Variants in TMEM18 observed in about 807,000 individuals in gnomAD.
TMEM18 encodes the protein transmembrane protein 18.
In TMEM18, 14 loss-of-function variants were observed where a neutral mutation model predicts 17.4. The observed-to-expected ratio is 0.80, with a 90% CI of 0.53 to 1.25. The LOEUF is 1.25. Ranked by LOEUF, TMEM18 falls within the 50% of genes most tolerant of loss-of-function variation. The probability of loss-of-function intolerance (pLI) is 0.00; values close to 1 mark genes in which losing one functional copy is unlikely to be tolerated. For synonymous variants in TMEM18, 86 were observed against 66.1 expected, an observed-to-expected ratio of 1.30 and a Z score of -1.46; for missense variants, 187 against 172.1, an observed-to-expected ratio of 1.09 and a Z score of -0.48.
chr2:668,395 G>A lies in TMEM18; in HGVS notation c.*1185C>T, dbSNP rs1162411576. On this transcript the variant is annotated 3_prime_UTR_variant, in exon 5 of 5. Transcript: ENST00000281017. ...CGGCCCTGGACAATGCTACAGGGAGGACACATTACCTTAATCATCTTTCTG... is the reference window on the plus strand; with the variant it reads ...CGGCCCTGGACAATGCTACAGGGAGAACACATTACCTTAATCATCTTTCTG... 1.3e-5 allele frequency: 2 copies of A among 152,354 alleles called. No homozygotes were observed. Among genetic ancestry groups the A allele is most frequent in the Middle Eastern group, 3.4e-3 (1 of 294 alleles). The allele number at this position is 152,354 out of a possible 1,614,324, so 9.4% of individuals were successfully genotyped here. A position where few individuals can be genotyped will look rare whatever the true frequency, so the allele number is the denominator to read the frequency against.
chr2:675,724 G>T (rs772759621), intron 1 of TMEM18, 94 bp from the exon 2 acceptor site: 32 of 1,553,212 alleles, frequency 2.1e-5, no homozygotes, highest in Admixed American at 5.8e-5. Flanking sequence ...GGAGGCAGGG[G>T]CCTCTCACTC....
intron 1 of TMEM18, chr2:676,826 C>T: frequency 3.1e-6 from 2 of 636,612 alleles, no homozygotes; most frequent in South Asian, 1.9e-5. Context: ...GCCCGCAAGA[C>T]GCTGGACTGG....
chr2:676,333 G>A, intron 1 of TMEM18: 1 of 1,475,044 alleles, frequency 6.8e-7, no homozygotes. Flanking sequence ...AATCCCAGCA[G>A]TCCTCAACCC....
chr2:673,284 T>G (rs1041483800), intron 2 of TMEM18, among the ~76,000 whole-genome samples: 3 of 152,140 alleles, frequency 2.0e-5, no homozygotes, highest in Non-Finnish European at 2.9e-5. Context: ...CGCTCACACT[T>G]CCCGGGCTGA....
At position 664,057 on chromosome 2, in the gene TMEM18, GAAGC is replaced by G. The variant is rs925606935; in HGVS notation, c.*5519_*5522del. On this transcript the variant is annotated 3_prime_UTR_variant, in exon 5 of 5. Coordinates refer to ENST00000281017, the MANE Select transcript of TMEM18 (RefSeq NM_152834.4). ...ATATTCGGTTTGGAGGCTAGAGAAG[GAAGC>G]AATGATGCTGCCTGGGTATTTCACA... Among the ~76,000 whole-genome samples the G allele has an allele frequency of 6.6e-6, 1 of 152,192 alleles. No homozygotes were observed. The highest frequency in any genetic ancestry group is 2.4e-5 in the African/African-American group (1 of 41,444).
rs1678983237 is a variant in TMEM18 at position 675,641 on chromosome 2, A to G, written c.58-11T>C. 6.2e-7 allele frequency: 1 copy of G among 1,612,630 alleles called. No homozygotes were observed. The highest frequency in any genetic ancestry group is 1.7e-5 in the Admixed American group (1 of 59,970). On this transcript the variant is annotated splice_polypyrimidine_tract_variant and intron_variant, in intron 1 of 4. Transcript: ENST00000281017. ...AGTCCAGTCCGTCTGCTGTAGGAACACACCAGCAGACACTCACTGTCCTGC... is the reference window on the plus strand; with the variant it reads ...AGTCCAGTCCGTCTGCTGTAGGAACGCACCAGCAGACACTCACTGTCCTGC...
At position 675,657 on chromosome 2, in the gene TMEM18, A is replaced by C; in HGVS notation, c.58-27T>G. The C allele has an allele frequency of 1.9e-6, 3 of 1,610,622 alleles. No individual in the cohort carries two copies. In the African/African-American group the frequency reaches 4.0e-5, roughly 21 times the overall value. ...TGTAGGAACACACCAGCAGACACTC[A>C]CTGTCCTGCCACTCAAGGCCGGGTT... On this transcript the variant is annotated intron_variant, in intron 1 of 4. Transcript: ENST00000281017.
rs1228318307 is a variant in TMEM18, at chr2:664,608, CTTTTTT to C, written c.*4966_*4971del. On this transcript the variant is annotated 3_prime_UTR_variant, in exon 5 of 5. Transcript: ENST00000281017. ...TTTCACCTATTACTCAGAAAAGTTT[CTTTTTT>C]TACGTTGCTACTTAGTGCAGACAAG... Among the ~76,000 whole-genome samples the C allele has an allele frequency of 3.3e-5, 5 of 152,114 alleles. No homozygotes were observed. Among genetic ancestry groups the C allele is most frequent in the African/African-American group, 1.2e-4 (5 of 41,444 alleles).
Position 665,349 on chromosome 2 carries a change from T to C in TMEM18, c.*4231A>G, listed in dbSNP as rs1032907553. On this transcript the variant is annotated 3_prime_UTR_variant, in exon 5 of 5. Transcript: ENST00000281017. ...GATGCAGATGCACCACTCACTCAGA[T>C]AGAGAATCAACCCCACATAAACTAG... 2.2e-5 allele frequency among the ~76,000 whole-genome samples: 3 copies of C among 136,880 alleles called. No homozygotes were observed. Among genetic ancestry groups the C allele is most frequent in the Admixed American group, 1.4e-4 (2 of 13,936 alleles). The allele number at this position is 136,880 out of a possible 152,430, so 89.8% of individuals were successfully genotyped here. A position where few individuals can be genotyped will look rare whatever the true frequency, so the allele number is the denominator to read the frequency against.
chr2:676,606 A>C, intron 1 of TMEM18: 2 of 1,550,372 alleles, frequency 1.3e-6, no homozygotes, highest in South Asian at 2.4e-5. Context: ...TGAGGGGAGC[A>C]CGGCTTTCTG....
At position 669,454 on chromosome 2, in the gene TMEM18, TTAAA is replaced by T. The variant is rs1409822518; in HGVS notation, c.*122_*125del. Reference sequence around the variant, plus strand: ...GTGTGTGCCCTACCACTGTGGATATTTAAATAAAACAACGGTTTTTCAAACCATG... The same window carrying T: ...GTGTGTGCCCTACCACTGTGGATATTTAAAACAACGGTTTTTCAAACCATG... On this transcript the variant is annotated 3_prime_UTR_variant, in exon 5 of 5. Coordinates refer to ENST00000281017, the MANE Select transcript of TMEM18 (RefSeq NM_152834.4). The T allele has an allele frequency of 1.0e-6, 1 of 987,016 alleles. No homozygotes were observed. The highest frequency in any genetic ancestry group is 1.6e-5 in the African/African-American group (1 of 61,680). The allele number at this position is 987,016 out of a possible 1,614,324, so 61.1% of individuals were successfully genotyped here.
Position 675,507 on chromosome 2 carries a change from C to G in TMEM18, c.178+3G>C. ...GTTGTGGAGTTTGTGTTGTTTTACT[C>G]ACCTAGACACAGAAAGTGCCCGATC... On this transcript the variant is annotated splice_donor_region_variant and intron_variant, in intron 2 of 4. Transcript: ENST00000281017. 6.2e-7 allele frequency: 1 copy of G among 1,614,194 alleles called. No individual in the cohort carries two copies. Among genetic ancestry groups the G allele is most frequent in the African/African-American group, 1.3e-5 (1 of 75,066 alleles).
chr2:676,398 C>G, intron 1 of TMEM18: 1 of 1,354,294 alleles, frequency 7.4e-7, no homozygotes, highest in Admixed American at 2.4e-5. Flanking sequence ...GCCCTCCAAG[C>G]TGCAGCCCCG....
At position 665,878 on chromosome 2, in the gene TMEM18, A is replaced by G. The variant is rs952294273; in HGVS notation, c.*3702T>C. On this transcript the variant is annotated 3_prime_UTR_variant, in exon 5 of 5. Coordinates refer to ENST00000281017, the MANE Select transcript of TMEM18 (RefSeq NM_152834.4). The stretch of plus-strand genomic sequence containing the variant: ...CCCCACTCACTCAGATGGAGCATCA[A>G]CCCCACACACAACAGGACTCATGGA... Among the ~76,000 whole-genome samples, 15 of 152,148 alleles carry G rather than the reference A, an allele frequency of 9.9e-5. No homozygotes were observed. Among genetic ancestry groups the G allele is most frequent in the African/African-American group, 2.9e-4 (12 of 41,406 alleles).
rs150134494 is a variant in TMEM18, at chr2:676,193, G to C, written c.58-563C>G. On this transcript the variant is annotated intron_variant, in intron 1 of 4. Transcript: ENST00000281017. ...TGCAATACACTGAACTCTCCAGACAGTGCCGCACTCCGCCGCCTCCTGGAC... is the reference window on the plus strand; with the variant it reads ...TGCAATACACTGAACTCTCCAGACACTGCCGCACTCCGCCGCCTCCTGGAC... The C allele has an allele frequency of 2.9e-6, 4 of 1,359,116 alleles. No homozygotes were observed. The African/African-American group carries it at 5.9e-5, about 20-fold the overall frequency. The allele number at this position is 1,359,116 out of a possible 1,614,324, so 84.2% of individuals were successfully genotyped here. A position where few individuals can be genotyped will look rare whatever the true frequency, so the allele number is the denominator to read the frequency against.
chr2:672,797 G>C lies in TMEM18; in HGVS notation c.233+11C>G. On this transcript the variant is annotated intron_variant, in intron 3 of 4. Coordinates refer to ENST00000281017, the MANE Select transcript of TMEM18 (RefSeq NM_152834.4). ...GCAGGGACCTGGTCACAGGCCCGGG[G>C]GTGGGCTCACCTCCAGTTCATCGCA... 2 of 1,465,492 alleles carry C rather than the reference G, an allele frequency of 1.4e-6. No individual in the cohort carries two copies. Among genetic ancestry groups the C allele is most frequent in the Non-Finnish European group, 1.8e-6 (2 of 1,111,096 alleles). 90.8% of individuals were successfully genotyped at this position (1,465,492 alleles called of 1,614,324 possible). A position where few individuals can be genotyped will look rare whatever the true frequency, so the allele number is the denominator to read the frequency against.
chr2:669,495 A>C lies in TMEM18; in HGVS notation c.*85T>G. 7.5e-7 allele frequency: 1 copy of C among 1,330,050 alleles called. No individual in the cohort carries two copies. The highest frequency in any genetic ancestry group is 1.5e-5 in the African/African-American group (1 of 68,356). The allele number at this position is 1,330,050 out of a possible 1,614,324, so 82.4% of individuals were successfully genotyped here. A position where few individuals can be genotyped will look rare whatever the true frequency, so the allele number is the denominator to read the frequency against. On this transcript the variant is annotated 3_prime_UTR_variant, in exon 5 of 5. Coordinates refer to ENST00000281017, the MANE Select transcript of TMEM18 (RefSeq NM_152834.4). ...TTTTTCAAACCATGAGTCAGCTGGA[A>C]GGATGCCCACGCCACGCACACTGCA... is the stretch of plus-strand genomic sequence containing the variant.
chr2:666,538 C>T lies in TMEM18; in HGVS notation c.*3042G>A, dbSNP rs1404243766. Among the ~76,000 whole-genome samples the T allele has an allele frequency of 7.9e-5, 12 of 152,178 alleles. No individual in the cohort carries two copies. The highest frequency in any genetic ancestry group is 1.5e-4 in the Non-Finnish European group (10 of 68,022). Reference sequence around the variant, plus strand: ...TGCTGTCAACTGTTCCAGCCCCACTCGGAACAAGCTGCCACCAACGCATGG... The same window carrying T: ...TGCTGTCAACTGTTCCAGCCCCACTTGGAACAAGCTGCCACCAACGCATGG... On this transcript the variant is annotated 3_prime_UTR_variant, in exon 5 of 5. Coordinates refer to ENST00000281017, the MANE Select transcript of TMEM18 (RefSeq NM_152834.4).
At chr2:677,050 G>T (rs1366140085) in intron 1 of TMEM18, 4 of 121,496 alleles carry the variant, frequency 3.3e-5, no homozygotes, top group Non-Finnish European at 5.5e-5. Flanking sequence ...CTCGCGCCCC[G>T]ACGCCCGGCC....
Sources: allele counts gnomAD v4.1 joint callset (sites outside exome capture counted in the v4.1 genomes callset), GRCh38; gene constraint gnomAD v4.1.1; transcripts MANE v1.5; gene names NCBI Gene and HGNC (gene_info 2026-07-23, HGNC 2026-07-21).